The following CYP7B1 variants were observed in gnomAD, a reference collection of about 807,000 sequenced individuals.
The protein encoded by CYP7B1 is cytochrome P450 7B1.
CYP7B1 carries 29 observed loss-of-function variants against 42.7 expected under a neutral mutation model. The ratio of observed to expected loss-of-function variants is 0.68; its 90% CI spans 0.51 to 0.93. The LOEUF is 0.93. Ranked by LOEUF, CYP7B1 falls within the 40% of genes least tolerant of loss-of-function variation. CYP7B1 has a pLI of 0.00. For missense variants in CYP7B1, 655 were observed against 600.5 expected (o/e 1.09, Z -0.95); for synonymous variants, 235 against 218.2 (o/e 1.08, Z -0.68).
chr8:64,658,712 T>G (rs1418924259), intron 1 of CYP7B1, among the ~76,000 whole-genome samples: 1 of 152,232 alleles, frequency 6.6e-6, no homozygotes, highest in African/African-American at 2.4e-5. Flanking sequence ...CCGCCTTCAC[T>G]AAGCTCCTCT....
intron 1 of CYP7B1, among the ~76,000 whole-genome samples, chr8:64,733,733 G>A (rs1807447092): frequency 6.6e-6 from 1 of 152,178 alleles, no homozygotes; most frequent in Non-Finnish European, 1.5e-5. Flanking sequence ...CTGCCTGGGA[G>A]GCTGAGGCAG....
intron 1 of CYP7B1, among the ~76,000 whole-genome samples, chr8:64,716,245 TTTTAA>T (rs1807152775): frequency 6.6e-6 from 1 of 152,228 alleles, no homozygotes; most frequent in South Asian, 2.1e-4. Context: ...TTTCATTTAC[TTTTAA>T]TTTAATTCCA....
In CYP7B1 at chr8:64,596,580, T is replaced by A. The variant is rs1434369510; in HGVS notation, c.*62A>T. On this transcript the variant is annotated 3_prime_UTR_variant, in exon 6 of 6. Transcript: ENST00000310193. The stretch of plus-strand genomic sequence containing the variant: ...TACATTTGCAGAAATTAAAAAGAAA[T>A]AGATGAGCTTAGGATGTTTAGGGTA... The A allele has an allele frequency of 1.4e-6, 2 of 1,451,482 alleles. No individual in the cohort carries two copies. The highest frequency in any genetic ancestry group is 1.9e-6 in the Non-Finnish European group (2 of 1,062,670). The allele number at this position is 1,451,482 out of a possible 1,614,324, so 89.9% of individuals were successfully genotyped here.
In CYP7B1 at chr8:64,592,088, T is replaced by G. The variant is rs2129629614; in HGVS notation, c.*4554A>C. Among the ~76,000 whole-genome samples, 1 of 151,700 alleles carries G rather than the reference T, an allele frequency of 6.6e-6. No homozygotes were observed. The highest frequency in any genetic ancestry group is 1.5e-5 in the Non-Finnish European group (1 of 67,960). ...CTGTAGTCCCAGCTACTCGGAGGGC[T>G]GAGACAAGGGAATTGCTTGAACCCA... On this transcript the variant is annotated 3_prime_UTR_variant, in exon 6 of 6. Transcript: ENST00000310193.
rs149577580 is a variant in CYP7B1 at position 64,694,352 on chromosome 8, T to C, written c.123-69813A>G. Among the ~76,000 whole-genome samples the C allele has an allele frequency of 2.2e-3, 340 of 152,336 alleles. 2 individuals are homozygous for C. Among genetic ancestry groups the C allele is most frequent in the African/African-American group, 7.9e-3 (330 of 41,580 alleles). ...TCTGCTTTGTAATTTTAAATATGGC[T>C]TTTTCTGTTTACCTCCACTCTATGT... On this transcript the variant is annotated intron_variant, in intron 1 of 5. Coordinates refer to ENST00000310193, the MANE Select transcript of CYP7B1 (RefSeq NM_004820.5).
Position 64,616,290 on chromosome 8 carries a change from A to C in CYP7B1, c.260-9T>G. On this transcript the variant is annotated splice_polypyrimidine_tract_variant and intron_variant, in intron 2 of 5. Transcript: ENST00000310193. ...AAATGTTATGTACTTTCCTAGAAAAAAAAAAAGAGAGAGAAAATATGAGTT... is the reference window on the plus strand; with the variant it reads ...AAATGTTATGTACTTTCCTAGAAAACAAAAAAGAGAGAGAAAATATGAGTT... 1 of 1,505,940 alleles carries C rather than the reference A, an allele frequency of 6.6e-7. No homozygotes were observed. The highest frequency in any genetic ancestry group is 9.1e-7 in the Non-Finnish European group (1 of 1,098,230). The allele number at this position is 1,505,940 out of a possible 1,614,324, so 93.3% of individuals were successfully genotyped here.
chr8:64,795,524 A>G (rs1428485231), intron 1 of CYP7B1, among the ~76,000 whole-genome samples: 2 of 152,202 alleles, frequency 1.3e-5, no homozygotes, highest in Non-Finnish European at 2.9e-5. Context: ...AACATAACCC[A>G]AAGAGAATTA....
intron 1 of CYP7B1, among the ~76,000 whole-genome samples, chr8:64,625,134 C>T (rs1439463628): frequency 5.9e-5 from 9 of 151,868 alleles, no homozygotes; most frequent in Admixed American, 2.0e-4. Context: ...CCACCACACC[C>T]GGCTAATTTT....
At chr8:64,703,840 A>G (rs972144100) in intron 1 of CYP7B1, 1 of 152,082 alleles carries the variant, frequency 6.6e-6, no homozygotes, top group Admixed American at 6.6e-5. Context: ...CACAGACATG[A>G]GCGATTTGAA....
intron 1 of CYP7B1, among the ~76,000 whole-genome samples, chr8:64,736,365 G>A (rs1487911222): frequency 2.0e-5 from 3 of 152,168 alleles, no homozygotes; most frequent in African/African-American, 7.2e-5. Context: ...AATGGAAAAA[G>A]AAGGCTGGGC....
chr8:64,781,534 C>A (rs1563426310), intron 1 of CYP7B1, among the ~76,000 whole-genome samples: 7 of 152,044 alleles, frequency 4.6e-5, no homozygotes. Context: ...CATTCTTTGG[C>A]TCAGGAAATA....
At chr8:64,586,778 C>G (rs1023991222), downstream of CYP7B1, among the ~76,000 whole-genome samples, 1 of 152,188 alleles carries the variant, frequency 6.6e-6, no homozygotes, top group African/African-American at 2.4e-5. Flanking sequence ...CATCAATTAA[C>G]ATTTTTTTGT....
Position 64,788,548 on chromosome 8 carries a change from G to A in CYP7B1, c.122+9918C>T, listed in dbSNP as rs555501184. Among the ~76,000 whole-genome samples the A allele has an allele frequency of 2.0e-5, 3 of 152,274 alleles. No homozygotes were observed. The East Asian group carries it at 5.8e-4, about 29-fold the overall frequency. ...GTGGGTTTCTGTGAGTGGCCCCTGT[G>A]ATGGGTGCTGTCCTGTCAAGGGCTG... is the stretch of plus-strand genomic sequence containing the variant. On this transcript the variant is annotated intron_variant, in intron 1 of 5. Coordinates refer to ENST00000310193, the MANE Select transcript of CYP7B1 (RefSeq NM_004820.5).
chr8:64,689,906 C>T (rs911645004), intron 1 of CYP7B1, among the ~76,000 whole-genome samples: 5 of 152,054 alleles, frequency 3.3e-5, no homozygotes, highest in South Asian at 4.1e-4. Flanking sequence ...CTTTGGAAAA[C>T]GCTTCAAATA....
intron 1 of CYP7B1, among the ~76,000 whole-genome samples, chr8:64,705,080 G>A (rs371640535): frequency 6.6e-6 from 1 of 151,922 alleles, no homozygotes; most frequent in South Asian, 2.1e-4. Context: ...CCCAGCTCTG[G>A]CAAAGGGATA....
At chr8:64,609,271 C>T (rs1805331054) in intron 4 of CYP7B1, among the ~76,000 whole-genome samples, 1 of 152,182 alleles carries the variant, frequency 6.6e-6, no homozygotes, top group Non-Finnish European at 1.5e-5. Context: ...ACCTCACATA[C>T]TGATCAGTTA....
At chr8:64,683,532 G>C (rs1306950951) in intron 1 of CYP7B1, among the ~76,000 whole-genome samples, 1 of 152,210 alleles carries the variant, frequency 6.6e-6, no homozygotes, top group East Asian at 1.9e-4. Context: ...TGGCACAATA[G>C]GGATACTATA....
At chr8:64,723,054 G>A in intron 1 of CYP7B1, among the ~76,000 whole-genome samples, 1 of 151,988 alleles carries the variant, frequency 6.6e-6, no homozygotes, top group Non-Finnish European at 1.5e-5. Flanking sequence ...ACAATCATTA[G>A]CCCTGAATCA....
In CYP7B1 at chr8:64,596,692, T is replaced by G; in HGVS notation, c.1471A>C (p.Ile491Leu). 6.2e-7 allele frequency: 1 copy of G among 1,613,642 alleles called. No homozygotes were observed. Among genetic ancestry groups the G allele is most frequent in the Non-Finnish European group, 8.5e-7 (1 of 1,179,816 alleles). The change falls in exon 6 of 6, where the codon ATT becomes CTT. Residue 491 changes from isoleucine to leucine, a missense_variant. By Grantham distance (5) the Ile-to-Leu change is conservative. Coordinates refer to ENST00000310193, the MANE Select transcript of CYP7B1 (RefSeq NM_004820.5). ...GLNYSRLLFG[I>L]QYPDSDVLFR... ...AAAACATCAGAATCTGGATACTGAA[T>G]ACCAAACAACAAGCGGCTGTAGTTT...
Sources: gnomAD v4.1 joint callset for allele counts (sites outside exome capture counted in the v4.1 genomes callset) on GRCh38, gnomAD v4.1.1 for gene constraint, MANE v1.5 for transcripts, NCBI Gene and HGNC (gene_info 2026-07-23, HGNC 2026-07-21) for gene names.